The following SCOC variants were observed in gnomAD, a reference collection of about 807,000 sequenced individuals.
SCOC encodes short coiled coil protein.
A neutral mutation model predicts 9.9 loss-of-function variants in SCOC; 7 were observed. The ratio of observed to expected loss-of-function variants is 0.71; its 90% confidence interval spans 0.40 to 1.33. The LOEUF is 1.33. Ranked by LOEUF, SCOC falls within the 40% of genes most tolerant of loss-of-function variation. SCOC has a pLI of 0.01. For missense variants in SCOC, 66 were observed against 89.7 expected, an observed-to-expected ratio of 0.74 and a Z score of 1.07; for synonymous variants, 19 against 28.2, an observed-to-expected ratio of 0.67 and a Z score of 1.03.
chr4:140,360,147 T>C (rs184524031), intron 2 of SCOC, among the ~76,000 whole-genome samples: 74 of 152,230 alleles, frequency 4.9e-4, no homozygotes, highest in Admixed American at 3.3e-3. Context: ...ACACAAATCA[T>C]TGTGCATAAT....
intron 1 of SCOC, among the ~76,000 whole-genome samples, chr4:140,286,222 G>C (rs1250255175): frequency 1.3e-5 from 2 of 151,944 alleles, no homozygotes; most frequent in African/African-American, 4.8e-5. Context: ...TTGCTGGCTT[G>C]TTGTGAGGAT....
chr4:140,265,663 T>G (rs1277089911), intron 1 of SCOC, among the ~76,000 whole-genome samples: 1 of 152,238 alleles, frequency 6.6e-6, no homozygotes, highest in Non-Finnish European at 1.5e-5. Flanking sequence ...AATTTGGTGA[T>G]TGGCACAAGA....
intron 1 of SCOC, among the ~76,000 whole-genome samples, chr4:140,269,363 CA>C (rs1730793694): frequency 6.6e-6 from 1 of 152,118 alleles, no homozygotes; most frequent in East Asian, 1.9e-4. Flanking sequence ...TTTCATCTTA[CA>C]AACTGAAACA....
At chr4:140,262,644 C>T (rs1730657008) in intron 1 of SCOC, among the ~76,000 whole-genome samples, 1 of 152,062 alleles carries the variant, frequency 6.6e-6, no homozygotes, top group Non-Finnish European at 1.5e-5. Flanking sequence ...TTAGTCGGTT[C>T]TCACACTGCT....
chr4:140,373,694 T>G lies in SCOC; in HGVS notation c.-74T>G. The G allele has an allele frequency of 6.5e-7, 1 of 1,549,596 alleles. No individual in the cohort carries two copies. Among genetic ancestry groups the G allele is most frequent in the Non-Finnish European group, 8.7e-7 (1 of 1,146,856 alleles). On this transcript the variant is annotated 5_prime_UTR_variant, in exon 1 of 4. Coordinates refer to ENST00000608372, the MANE Select transcript of SCOC (RefSeq NM_001153484.2). ...CCTGAGGTGTCGGCCGGATCCCTCC[T>G]TCTCCCGGCGCCTCAAGCGGAAGGT...
chr4:140,279,113 C>T (rs1199632852), intron 1 of SCOC, among the ~76,000 whole-genome samples: 1 of 152,148 alleles, frequency 6.6e-6, no homozygotes, highest in African/African-American at 2.4e-5. Flanking sequence ...TGCAGCTTCT[C>T]ACCACAGGGC....
intron 2 of SCOC, among the ~76,000 whole-genome samples, chr4:140,355,211 T>TATATATATA (rs60752527): frequency 1.5e-4 from 9 of 61,396 alleles, no homozygotes; most frequent in South Asian, 3.6e-4. Context: ...CATTATATTT[T>TATATATATA]TATATATATA....
intron 1 of SCOC, among the ~76,000 whole-genome samples, chr4:140,335,439 T>C (rs11100616): frequency 0.58 from 87,706 of 152,186 alleles, 27,318 homozygotes; most frequent in Non-Finnish European, 0.71. Flanking sequence ...CTATATATAA[T>C]GAAAATAAAG....
intron 1 of SCOC, among the ~76,000 whole-genome samples, chr4:140,327,139 T>G (rs894145809): frequency 6.6e-6 from 1 of 152,166 alleles, no homozygotes; most frequent in Non-Finnish European, 1.5e-5. Context: ...TAAACAAAAT[T>G]TAGTTTATGT....
intron 1 of SCOC, among the ~76,000 whole-genome samples, chr4:140,275,816 G>GTTTTTTTTTTTTTT (rs199643449): frequency 7.5e-6 from 1 of 133,464 alleles, no homozygotes; most frequent in Non-Finnish European, 1.5e-5. Context: ...ACTCGCTCAG[G>GTTTTTTTTTTTTTT]TTTGTTTTTT....
chr4:140,385,079 G>T lies in SCOC; in HGVS notation c.*3975G>T, dbSNP rs937679135. 4 of 152,130 alleles carry T rather than the reference G, an allele frequency of 2.6e-5. No homozygotes were observed. 9.4% of individuals were successfully genotyped at this position (152,130 alleles called of 1,614,324 possible). A position where few individuals can be genotyped will look rare whatever the true frequency, so the allele number is the denominator to read the frequency against. On this transcript the variant is annotated 3_prime_UTR_variant, in exon 4 of 4. Coordinates refer to ENST00000608372, the MANE Select transcript of SCOC (RefSeq NM_001153484.2). ...ATATTTTGTTATAGCATCCCAAATA[G>T]TTTAAGGCACCCATTTTCCCCACTG... is the stretch of plus-strand genomic sequence containing the variant.
intron 1 of SCOC, among the ~76,000 whole-genome samples, chr4:140,257,936 A>C (rs2126381408): frequency 6.6e-6 from 1 of 152,360 alleles, no homozygotes; most frequent in South Asian, 2.1e-4. Context: ...GGCAAGGAAC[A>C]AGCACAGGCG....
intron 1 of SCOC, among the ~76,000 whole-genome samples, chr4:140,299,276 A>C (rs1273286538): frequency 6.6e-6 from 1 of 152,230 alleles, no homozygotes; most frequent in East Asian, 1.9e-4. Flanking sequence ...AGCCATTGTG[A>C]GGGATGTAAA....
chr4:140,369,372 T>TA, upstream of SCOC: 1 of 351,160 alleles, frequency 2.8e-6, no homozygotes, highest in Non-Finnish European at 5.7e-6. Flanking sequence ...AAAAAATGAG[T>TA]AAAAAAGAAA....
At chr4:140,287,387 T>C (rs1307860702) in intron 1 of SCOC, among the ~76,000 whole-genome samples, 2 of 147,106 alleles carry the variant, frequency 1.4e-5, no homozygotes, top group African/African-American at 2.5e-5. Context: ...GTAGAAACCA[T>C]AGACCACACA....
intron 1 of SCOC, 120 bp downstream of exon 1, chr4:140,373,837 G>T (rs1728189024): frequency 9.0e-7 from 1 of 1,108,382 alleles, no homozygotes; most frequent in South Asian, 1.4e-5. Flanking sequence ...CCGGGGGCCC[G>T]GGAGGAGCGG....
At chr4:140,310,190 G>T (rs1732110065) in intron 1 of SCOC, among the ~76,000 whole-genome samples, 1 of 152,164 alleles carries the variant, frequency 6.6e-6, no homozygotes, top group Admixed American at 6.5e-5. Context: ...AAATCTGATT[G>T]ATCTTCAACC....
chr4:140,284,770 CA>C (rs34770368), intron 1 of SCOC: 19,935 of 79,030 alleles, frequency 0.25, 1,088 homozygotes, highest in East Asian at 0.37. Flanking sequence ...CTATTTCTTT[CA>C]AAAAAAAAAA....
intron 2 of SCOC, among the ~76,000 whole-genome samples, chr4:140,362,273 C>CT: frequency 0.053 from 1,515 of 28,614 alleles, 92 homozygotes; most frequent in South Asian, 0.089. Flanking sequence ...ACAGGTGTGT[C>CT]CTTACTTCTT....
Sources: allele counts gnomAD v4.1 joint callset (sites outside exome capture counted in the v4.1 genomes callset), GRCh38; gene constraint gnomAD v4.1.1; transcripts MANE v1.5; gene names NCBI Gene and HGNC (gene_info 2026-07-23, HGNC 2026-07-21).